Variants in PBRM1 observed in about 807,000 individuals in gnomAD.
PBRM1 encodes polybromo 1.
In PBRM1, 27 loss-of-function variants were observed where a neutral mutation model predicts 194.5. That is an observed-to-expected ratio of 0.14 (90% CI 0.10 to 0.19). The LOEUF is 0.19. Ranked by LOEUF, PBRM1 falls within the 10% of genes least tolerant of loss-of-function variation. PBRM1 has a pLI of 1.00. For missense variants in PBRM1, 1,466 were observed against 2,077.2 expected, an observed-to-expected ratio of 0.71 and a Z score of 5.72; for synonymous variants, 655 against 693.2, an observed-to-expected ratio of 0.94 and a Z score of 0.87.
chr3:52,678,955 T>G (rs1371700990), intron 1 of PBRM1, among the ~76,000 whole-genome samples: 2 of 152,204 alleles, frequency 1.3e-5, no homozygotes, highest in African/African-American at 4.8e-5. Flanking sequence ...GAAGGGTTTA[T>G]CACTTCACAG....
At chr3:52,617,298 G>C (rs1473718435) in exon 14 of PBRM1, 1 of 1,613,788 alleles carries the variant, frequency 6.2e-7, no homozygotes, top group African/African-American at 1.3e-5. Context: ...TGGCATTCCG[G>C]AACATCAGCT....
chr3:52,594,420 G>C (rs571813461), intron 17 of PBRM1, among the ~76,000 whole-genome samples: 1 of 151,986 alleles, frequency 6.6e-6, no homozygotes, highest in Non-Finnish European at 1.5e-5. Context: ...TTTTCCATTT[G>C]CTTGGTAGAT....
intron 3 of PBRM1, among the ~76,000 whole-genome samples, chr3:52,665,945 T>C (rs1192725166): frequency 1.3e-5 from 2 of 152,234 alleles, no homozygotes; most frequent in African/African-American, 4.8e-5. Flanking sequence ...ATTAAGATCC[T>C]GATTAGCTTC....
At chr3:52,675,403 ATAC>A (rs1278500385) in intron 2 of PBRM1, among the ~76,000 whole-genome samples, 7 of 152,220 alleles carry the variant, frequency 4.6e-5, no homozygotes, top group African/African-American at 9.6e-5. Context: ...CCAGACAAAG[ATAC>A]TACAAGAAAA....
intron 1 of PBRM1, chr3:52,685,338 C>G (rs1324849996): frequency 2.0e-5 from 3 of 151,854 alleles, no homozygotes; most frequent in African/African-American, 4.8e-5. Flanking sequence ...GGAAAAAATA[C>G]GGAAAGAAAA....
At chr3:52,566,616 T>C (rs1184398588) in intron 22 of PBRM1, among the ~76,000 whole-genome samples, 2 of 151,980 alleles carry the variant, frequency 1.3e-5, no homozygotes, top group African/African-American at 2.4e-5. Flanking sequence ...GCAAAATTCA[T>C]GAACAAAAAA....
chr3:52,586,413 T>C lies in PBRM1; in HGVS notation c.3387+12A>G. On this transcript the variant is annotated intron_variant, in intron 20 of 29. Coordinates refer to ENST00000296302, the Ensembl canonical transcript of PBRM1. ...ATGTAAAATTTTTTCTGTGTGGCTA[T>C]TATCTGCATACCTTTTCCAAGTTAA... The C allele has an allele frequency of 1.3e-6, 2 of 1,599,620 alleles. No individual in the cohort carries two copies. Among genetic ancestry groups the C allele is most frequent in the Non-Finnish European group, 1.7e-6 (2 of 1,169,832 alleles).
In PBRM1 at chr3:52,575,832, A is replaced by G. The variant is rs72947574; in HGVS notation, c.3691+709T>C. Among the ~76,000 whole-genome samples, 1,249 of 152,114 alleles carry G rather than the reference A, an allele frequency of 8.2e-3. 24 individuals carry two copies. Among genetic ancestry groups the G allele is most frequent in the African/African-American group, 0.029 (1,192 of 41,504 alleles). Reference sequence around the variant, plus strand: ...CCTGGCCTTAAATCAACTGTTTTAAATATACTCCAAGATCTAAAGGAAACC... The same window carrying G: ...CCTGGCCTTAAATCAACTGTTTTAAGTATACTCCAAGATCTAAAGGAAACC... On this transcript the variant is annotated intron_variant, in intron 22 of 29. Coordinates refer to ENST00000296302, the Ensembl canonical transcript of PBRM1.
chr3:52,558,179 C>T (rs2082629591), intron 26 of PBRM1, 70 bp downstream of exon 28: 1 of 1,189,450 alleles, frequency 8.4e-7, no homozygotes, highest in African/African-American at 1.5e-5. Context: ...TGGCCTACTC[C>T]TTATTGGAGA....
intron 21 of PBRM1, among the ~76,000 whole-genome samples, chr3:52,577,663 C>A (rs1372514431): frequency 6.6e-6 from 1 of 151,964 alleles, no homozygotes; most frequent in Non-Finnish European, 1.5e-5. Context: ...TTTCTCAGAC[C>A]CCACACTCCA....
chr3:52,557,495 G>C (rs1173073819), intron 26 of PBRM1, among the ~76,000 whole-genome samples: 1 of 152,176 alleles, frequency 6.6e-6, no homozygotes, highest in African/African-American at 2.4e-5. Context: ...CCGAGAAGTG[G>C]TCTGCAGACT....
chr3:52,559,272 C>T (rs11706139), intron 25 of PBRM1, among the ~76,000 whole-genome samples: 3 of 152,116 alleles, frequency 2.0e-5, no homozygotes, highest in African/African-American at 4.8e-5. Context: ...TAGAATACAT[C>T]CTGCTACCTC....
At chr3:52,677,408 C>CT (rs71087007) in intron 2 of PBRM1, among the ~76,000 whole-genome samples, 4,513 of 110,432 alleles carry the variant, frequency 0.041, 315 homozygotes, top group Non-Finnish European at 0.058. Flanking sequence ...CCATGCTCGG[C>CT]TTTTTTTTTT....
At chr3:52,555,295 A>G (rs2081978674) in intron 26 of PBRM1, among the ~76,000 whole-genome samples, 1 of 152,190 alleles carries the variant, frequency 6.6e-6, no homozygotes, top group Non-Finnish European at 1.5e-5. Context: ...TCATATGCCT[A>G]TCATGGGTAC....
chr3:52,596,118 T>G (rs554170748), intron 17 of PBRM1, among the ~76,000 whole-genome samples: 2 of 152,118 alleles, frequency 1.3e-5, no homozygotes, highest in Non-Finnish European at 2.9e-5. Context: ...ACTTTAGCTA[T>G]TCTGAGTCTT....
exon 28 of PBRM1, chr3:52,550,798 C>A: frequency 1.2e-6 from 2 of 1,609,974 alleles, no homozygotes; most frequent in African/African-American, 1.3e-5. Flanking sequence ...CCATAGGGGC[C>A]ACTCCTTGGT....
chr3:52,565,531 CA>C (rs1421217118), intron 22 of PBRM1, among the ~76,000 whole-genome samples: 1 of 148,976 alleles, frequency 6.7e-6, no homozygotes, highest in Non-Finnish European at 1.5e-5. Context: ...GGGGCTTTAT[CA>C]AAATTAAGAA....
intron 10 of PBRM1, among the ~76,000 whole-genome samples, chr3:52,636,581 C>G (rs1469984060): frequency 6.6e-6 from 1 of 150,884 alleles, no homozygotes; most frequent in African/African-American, 2.4e-5. Flanking sequence ...CATGATGAAA[C>G]CCCGTCTCTA....
At chr3:52,583,653 C>T (rs1421519751) in intron 20 of PBRM1, among the ~76,000 whole-genome samples, 1 of 152,054 alleles carries the variant, frequency 6.6e-6, no homozygotes, top group Non-Finnish European at 1.5e-5. Flanking sequence ...ATATTAGAAA[C>T]AGTAACCCTA....
Sources: gnomAD v4.1 joint callset for allele counts (sites outside exome capture counted in the v4.1 genomes callset) on GRCh38, gnomAD v4.1.1 for gene constraint, MANE v1.5 for transcripts, NCBI Gene and HGNC (gene_info 2026-07-23, HGNC 2026-07-21) for gene names.